The following CHD9 variants were observed in gnomAD, a reference collection of about 807,000 sequenced individuals.
The protein encoded by CHD9 is chromodomain helicase DNA binding protein 9.
Under a neutral mutation model 316.1 loss-of-function variants are expected in CHD9, and 77 were observed. The observed-to-expected ratio is 0.24, with a 90% CI of 0.20 to 0.29. The LOEUF is 0.29. CHD9 is among the 10% of genes least tolerant of loss of function. The pLI is 1.00. For synonymous variants in CHD9, 1,129 were observed against 1,158.3 expected (o/e 0.97, Z 0.51); for missense variants, 2,763 against 3,438.1 (o/e 0.80, Z 4.91).
At chr16:53,220,506 G>T (rs112231035) in intron 3 of CHD9, among the ~76,000 whole-genome samples, 9 of 152,154 alleles carry the variant, frequency 5.9e-5, no homozygotes, top group African/African-American at 2.2e-4. Context: ...ATTGTCATTT[G>T]CCTTATCATC....
At chr16:53,116,822 C>T (rs903376888) in intron 1 of CHD9, among the ~76,000 whole-genome samples, 5 of 152,010 alleles carry the variant, frequency 3.3e-5, no homozygotes, top group African/African-American at 9.7e-5. Context: ...ATGGAATCAA[C>T]GAAAATGCCC....
At chr16:53,124,904 G>T (rs1332151786) in intron 1 of CHD9, among the ~76,000 whole-genome samples, 1 of 152,112 alleles carries the variant, frequency 6.6e-6, no homozygotes, top group South Asian at 2.1e-4. Flanking sequence ...TTTTGGGTGG[G>T]GACACAGTCA....
intron 1 of CHD9, among the ~76,000 whole-genome samples, chr16:53,128,875 A>G (rs2039089394): frequency 6.6e-6 from 1 of 152,222 alleles, no homozygotes; most frequent in South Asian, 2.1e-4. Context: ...AGTCTAAGCT[A>G]ATAAAAGTTT....
intron 1 of CHD9, among the ~76,000 whole-genome samples, chr16:53,081,501 T>A (rs1202998305): frequency 6.6e-6 from 1 of 152,194 alleles, no homozygotes; most frequent in Non-Finnish European, 1.5e-5. Flanking sequence ...TCCATGAGTT[T>A]GAACCCTGGC....
chr16:53,185,583 C>T lies in CHD9; in HGVS notation c.1453-23899C>T, dbSNP rs144791118. On this transcript the variant is annotated intron_variant, in intron 2 of 38. Transcript: ENST00000447540. ...GACATTTGCATAAATAACAAGGAGTCGAATGTTAATCAAGACAATGGGGCA... is the reference window on the plus strand; with the variant it reads ...GACATTTGCATAAATAACAAGGAGTTGAATGTTAATCAAGACAATGGGGCA... Among the ~76,000 whole-genome samples the T allele has an allele frequency of 4.1e-3, 617 of 152,222 alleles. 4 individuals carry two copies. Among genetic ancestry groups the T allele is most frequent in the African/African-American group, 0.01 (432 of 41,548 alleles).
chr16:53,101,070 A>G (rs2036832418), intron 1 of CHD9, among the ~76,000 whole-genome samples: 1 of 152,132 alleles, frequency 6.6e-6, no homozygotes, highest in South Asian at 2.1e-4. Flanking sequence ...ACAAGTGTAA[A>G]TAGAAAGCTG....
intron 37 of CHD9, chr16:53,319,930 AC>A: frequency 1.2e-6 from 1 of 856,258 alleles, no homozygotes; most frequent in Non-Finnish European, 1.5e-6. Flanking sequence ...AAAAGAGAAG[AC>A]AACAGAATTA....
intron 20 of CHD9, among the ~76,000 whole-genome samples, 185 bp from the exon 21 acceptor site, chr16:53,267,109 G>C (rs1016649955): frequency 6.6e-6 from 1 of 152,100 alleles, no homozygotes; most frequent in Admixed American, 6.6e-5. Context: ...TTTTACATGT[G>C]TGGTAGTAAG....
At position 53,227,412 on chromosome 16, in the gene CHD9, A is replaced by T; in HGVS notation, c.2060A>T (p.Glu687Val). 1 of 1,570,324 alleles carries T rather than the reference A, an allele frequency of 6.4e-7. No individual in the cohort carries two copies. Residue 687 changes from glutamate (E) to valine (V), a missense_variant, in exon 6 of 39, where the codon GAA becomes GTA. By Grantham distance (121) the Glu-to-Val change is moderately radical. Coordinates refer to ENST00000447540, the MANE Select transcript of CHD9 (RefSeq NM_001308319.2). The part of the protein sequence containing the change: ...LQLFVENPSE[E>V]DAAIVDKILS... ...CTCCCATAGGAGAATCCGAGTGAAG[A>T]AGATGCTGCAATTGTAGACAAAATT... is the stretch of plus-strand genomic sequence containing the variant.
At chr16:53,188,855 G>A (rs1263983974) in intron 2 of CHD9, among the ~76,000 whole-genome samples, 6 of 151,856 alleles carry the variant, frequency 4.0e-5, no homozygotes, top group Non-Finnish European at 7.4e-5. Flanking sequence ...AAGGTGCTGG[G>A]ATTACAGGCG....
chr16:53,131,547 CCGGGGT>C (rs2039312047), intron 1 of CHD9, among the ~76,000 whole-genome samples: 1 of 151,210 alleles, frequency 6.6e-6, no homozygotes, highest in Non-Finnish European at 1.5e-5. Flanking sequence ...CCCACAGCCC[CCGGGGT>C]CGGGACACGG....
In CHD9 at chr16:53,107,485, AAAAT is replaced by A. The variant is rs1369731273; in HGVS notation, c.-164-48433_-164-48430del. ...AAAATAAAATAAAATAAAATAAAAT[AAAAT>A]AAATAAAATAAAATAAAATAAAATA... is the stretch of plus-strand genomic sequence containing the variant. On this transcript the variant is annotated intron_variant, in intron 1 of 38. Transcript: ENST00000447540. Among the ~76,000 whole-genome samples the A allele has an allele frequency of 2.0e-3, 287 of 141,130 alleles. 5 individuals are homozygous for A. Among genetic ancestry groups the A allele is most frequent in the African/African-American group, 7.3e-3 (258 of 35,108 alleles). 92.6% of individuals were successfully genotyped at this position (141,130 alleles called of 152,430 possible).
chr16:53,159,615 T>G (rs1327574423), intron 2 of CHD9, among the ~76,000 whole-genome samples: 1 of 152,108 alleles, frequency 6.6e-6, no homozygotes, highest in Admixed American at 6.5e-5. Flanking sequence ...TTCTATTTCT[T>G]TTTTCCTTTT....
chr16:53,267,543 A>T lies in CHD9; in HGVS notation c.4517+53A>T, dbSNP rs1184018843. The T allele has an allele frequency of 2.4e-6, 3 of 1,253,554 alleles. No homozygotes were observed. The East Asian group carries it at 7.3e-5, about 30-fold the overall frequency. The allele number at this position is 1,253,554 out of a possible 1,614,324, so 77.7% of individuals were successfully genotyped here. On this transcript the variant is annotated intron_variant, in intron 21 of 38. Coordinates refer to ENST00000447540, the MANE Select transcript of CHD9 (RefSeq NM_001308319.2). Reference sequence around the variant, plus strand: ...TAAGTAGTCTGGTATGTAATGTTACAGAAAATATATACTGGTTTTGAGTAT... The same window carrying T: ...TAAGTAGTCTGGTATGTAATGTTACTGAAAATATATACTGGTTTTGAGTAT...
chr16:53,254,411 T>A, intron 17 of CHD9, 27 bp from the exon 18 acceptor site: 7 of 1,498,924 alleles, frequency 4.7e-6, no homozygotes, highest in Non-Finnish European at 6.3e-6. Flanking sequence ...AGAAACTAAT[T>A]AAATATGTAA....
chr16:53,290,711 G>A (rs1285348581), intron 27 of CHD9, among the ~76,000 whole-genome samples: 1 of 152,158 alleles, frequency 6.6e-6, no homozygotes, highest in Non-Finnish European at 1.5e-5. Flanking sequence ...CCGAAAGGTT[G>A]AGGCTGCAGT....
At chr16:53,185,381 G>A (rs1215502092) in intron 2 of CHD9, among the ~76,000 whole-genome samples, 2 of 152,152 alleles carry the variant, frequency 1.3e-5, no homozygotes, top group Admixed American at 6.5e-5. Flanking sequence ...CCCTGCCCTG[G>A]AGACCTGTGG....
chr16:53,206,640 G>A (rs2045918444), intron 2 of CHD9, among the ~76,000 whole-genome samples: 1 of 152,094 alleles, frequency 6.6e-6, no homozygotes, highest in African/African-American at 2.4e-5. Flanking sequence ...CTATCTTACA[G>A]GGTTGTTCTG....
intron 15 of CHD9, among the ~76,000 whole-genome samples, chr16:53,246,574 CAGAGG>C (rs1356920644): frequency 2.0e-4 from 31 of 151,992 alleles, no homozygotes; most frequent in African/African-American, 7.5e-4. Context: ...GGCTGGAGTA[CAGAGG>C]TGTGTTCATA....
Sources: allele counts gnomAD v4.1 joint callset (sites outside exome capture counted in the v4.1 genomes callset), GRCh38; gene constraint gnomAD v4.1.1; transcripts MANE v1.5; gene names NCBI Gene and HGNC (gene_info 2026-07-23, HGNC 2026-07-21).